Variants in CARMIL1 observed in about 807,000 individuals in gnomAD.
CARMIL1 encodes the protein capping protein regulator and myosin 1 linker 1, also known as F-actin-uncapping protein LRRC16A.
CARMIL1 carries 90 observed loss-of-function variants against 177.1 expected under a neutral mutation model. That is an observed-to-expected ratio of 0.51 (90% CI 0.43 to 0.61). The LOEUF (loss-of-function observed/expected upper bound fraction) is 0.61. CARMIL1 is among the 20% of genes least tolerant of loss of function. CARMIL1 has a pLI of 0.00. For missense variants in CARMIL1, 1,380 were observed against 1,667.0 expected (o/e 0.83, Z 3.00); for synonymous variants, 577 against 606.2 (o/e 0.95, Z 0.71).
chr6:25,407,816 A>AT (rs1794518822), intron 2 of CARMIL1, among the ~76,000 whole-genome samples: 1 of 152,194 alleles, frequency 6.6e-6, no homozygotes, highest in South Asian at 2.1e-4. Flanking sequence ...GGGGGCAATA[A>AT]ACAGGGTAGT....
chr6:25,600,179 C>T (rs1439245064), intron 32 of CARMIL1, 135 bp from the exon 33 acceptor site: 1 of 789,424 alleles, frequency 1.3e-6, no homozygotes, highest in East Asian at 2.6e-5. Flanking sequence ...AGGGCGGTAA[C>T]TCAAATCTGC....
At chr6:25,498,880 C>T (rs892374960) in intron 16 of CARMIL1, among the ~76,000 whole-genome samples, 1 of 152,140 alleles carries the variant, frequency 6.6e-6, no homozygotes, top group African/African-American at 2.4e-5. Flanking sequence ...AGCAATTGAA[C>T]AAGTACACAG....
chr6:25,598,742 G>A (rs992465281), intron 32 of CARMIL1, among the ~76,000 whole-genome samples: 46 of 152,246 alleles, frequency 3.0e-4, no homozygotes, highest in African/African-American at 1.1e-3. Context: ...GTGTTGAAAA[G>A]GAATGGGGGC....
intron 31 of CARMIL1, among the ~76,000 whole-genome samples, chr6:25,587,775 C>T (rs1369618804): frequency 6.6e-6 from 1 of 152,058 alleles, no homozygotes; most frequent in African/African-American, 2.4e-5. Flanking sequence ...AAATTATTTC[C>T]TCAGTTGAAT....
chr6:25,574,839 T>C (rs1475370720), intron 29 of CARMIL1, among the ~76,000 whole-genome samples: 2 of 152,198 alleles, frequency 1.3e-5, no homozygotes, highest in African/African-American at 4.8e-5. Context: ...GCTTTTTGAT[T>C]GTTCTCACTT....
At chr6:25,285,628 G>T (rs1004721138) in intron 2 of CARMIL1, among the ~76,000 whole-genome samples, 10 of 151,334 alleles carry the variant, frequency 6.6e-5, no homozygotes, top group African/African-American at 2.2e-4. Context: ...TAGGTGGAAA[G>T]AATATTTTGA....
At chr6:25,549,105 A>G (rs1215960943) in intron 26 of CARMIL1, among the ~76,000 whole-genome samples, 2 of 152,244 alleles carry the variant, frequency 1.3e-5, no homozygotes, top group Non-Finnish European at 2.9e-5. Context: ...TGGAGCAGAA[A>G]GAGACTTTAT....
chr6:25,442,006 A>G (rs1375959628), intron 5 of CARMIL1, among the ~76,000 whole-genome samples: 1 of 152,070 alleles, frequency 6.6e-6, no homozygotes, highest in Non-Finnish European at 1.5e-5. Flanking sequence ...AACAAGAGAA[A>G]GGTGGTTGCT....
At chr6:25,471,639 ATATTTAAAGTACT>A (rs958925868) in intron 10 of CARMIL1, among the ~76,000 whole-genome samples, 1 of 152,210 alleles carries the variant, frequency 6.6e-6, no homozygotes, top group African/African-American at 2.4e-5. Flanking sequence ...ATGAATTAAT[ATATTTAAAGTACT>A]TGGCAAAGTG....
intron 31 of CARMIL1, among the ~76,000 whole-genome samples, chr6:25,587,056 G>GGGGAGGGAGAGGGAGGGGGAGC: frequency 6.9e-6 from 1 of 145,306 alleles, no homozygotes; most frequent in Non-Finnish European, 1.5e-5. Flanking sequence ...GGAGGGGGAG[G>GGGGAGGGAGAGGGAGGGGGAGC]GGGAGGGAGA....
chr6:25,580,167 C>T (rs984106702), intron 29 of CARMIL1, among the ~76,000 whole-genome samples: 1 of 152,180 alleles, frequency 6.6e-6, no homozygotes, highest in Non-Finnish European at 1.5e-5. Flanking sequence ...CTCTGTAACT[C>T]AGTTTCATCC....
At chr6:25,434,563 C>T (rs891709972) in intron 4 of CARMIL1, among the ~76,000 whole-genome samples, 1 of 128,918 alleles carries the variant, frequency 7.8e-6, no homozygotes, top group African/African-American at 2.9e-5. Context: ...CTTGCTCTGT[C>T]ATCAGGCTGG....
intron 8 of CARMIL1, among the ~76,000 whole-genome samples, chr6:25,458,586 ATATACCATCC>A (rs1799739811): frequency 6.6e-6 from 1 of 151,626 alleles, no homozygotes; most frequent in African/African-American, 2.4e-5. Flanking sequence ...AAACCTGTGG[ATATACCATCC>A]TGGTATATCC....
chr6:25,290,548 A>T (rs1199556374), intron 2 of CARMIL1, among the ~76,000 whole-genome samples: 2 of 151,590 alleles, frequency 1.3e-5, no homozygotes, highest in Admixed American at 1.3e-4. Flanking sequence ...AGTCATTCCT[A>T]GTCTCCACTT....
chr6:25,322,509 TACAC>T (rs1026595154), intron 2 of CARMIL1, among the ~76,000 whole-genome samples: 1 of 152,146 alleles, frequency 6.6e-6, no homozygotes, highest in African/African-American at 2.4e-5. Flanking sequence ...TGCACATACA[TACAC>T]ACACACAAAA....
chr6:25,485,559 C>A (rs1046739655), intron 12 of CARMIL1, among the ~76,000 whole-genome samples: 2 of 152,168 alleles, frequency 1.3e-5, no homozygotes, highest in Non-Finnish European at 2.9e-5. Flanking sequence ...CTCAGCCTCC[C>A]GAGTAGCTGG....
chr6:25,568,041 T>C (rs1379075732), intron 29 of CARMIL1, among the ~76,000 whole-genome samples: 1 of 152,198 alleles, frequency 6.6e-6, no homozygotes, highest in Non-Finnish European at 1.5e-5. Flanking sequence ...TTTAAAAAAA[T>C]CAAAATATAA....
chr6:25,411,127 G>C (rs1453376248), intron 2 of CARMIL1, among the ~76,000 whole-genome samples: 1 of 152,146 alleles, frequency 6.6e-6, no homozygotes, highest in Non-Finnish European at 1.5e-5. Flanking sequence ...TATTACTTGT[G>C]AATTTATTTA....
At chr6:25,592,286 AAC>A (rs1222427801) in intron 31 of CARMIL1, among the ~76,000 whole-genome samples, 1 of 152,226 alleles carries the variant, frequency 6.6e-6, no homozygotes, top group Non-Finnish European at 1.5e-5. Context: ...TAACGTGTAA[AAC>A]ACATGTAAAC....
Sources: allele counts gnomAD v4.1 joint callset (sites outside exome capture counted in the v4.1 genomes callset), GRCh38; gene constraint gnomAD v4.1.1; transcripts MANE v1.5; gene names NCBI Gene and HGNC (gene_info 2026-07-23, HGNC 2026-07-21).